BCL9: variants seen among roughly 807,000 people sequenced by gnomAD.
BCL9 encodes the protein B-cell CLL/lymphoma 9 protein.
Under a neutral mutation model 88.5 loss-of-function variants are expected in BCL9, and 25 were observed. That is an observed-to-expected ratio of 0.28 (90% confidence interval 0.21 to 0.39). The LOEUF is 0.39. Ranked by LOEUF, BCL9 falls within the 10% of genes least tolerant of loss-of-function variation. BCL9 has a pLI of 1.00. For synonymous variants in BCL9, 711 were observed against 673.3 expected, an observed-to-expected ratio of 1.06 and a Z score of -0.87; for missense variants, 1,817 against 1,877.8, an observed-to-expected ratio of 0.97 and a Z score of 0.60.
In BCL9 at chr1:147,622,524, T is replaced by C. The variant is rs1464239099; in HGVS notation, c.3156T>C (p.Asn1052=). ...CTCCCAACTTGCCATCAATGAATAA[T>C]ATGCCAGGTAAGAAATCAGAAAGGC... ...ARSPNLPSMN[N]MPGMGINTQN... Residue 1052 remains asparagine, a synonymous_variant, in exon 9 of 10, where the codon AAT becomes AAC. Coordinates refer to ENST00000234739, the MANE Select transcript of BCL9 (RefSeq NM_004326.4). The C allele has an allele frequency of 5.0e-6, 8 of 1,613,954 alleles. No homozygotes were observed. In the African/African-American group the frequency reaches 9.3e-5, roughly 19 times the overall value.
intron 1 of BCL9, among the ~76,000 whole-genome samples, chr1:147,576,483 C>T (rs1328706174): frequency 6.6e-6 from 1 of 152,202 alleles, no homozygotes; most frequent in African/African-American, 2.4e-5. Context: ...ATGAGAAATT[C>T]ACTACATAGA....
intron 1 of BCL9, among the ~76,000 whole-genome samples, chr1:147,599,258 G>C (rs1224168045): frequency 6.6e-6 from 1 of 152,234 alleles, no homozygotes; most frequent in Admixed American, 6.5e-5. Context: ...TCCTGCGAGG[G>C]GAGAAAGCCG....
At chr1:147,558,239 C>T (rs1330360362) in intron 1 of BCL9, among the ~76,000 whole-genome samples, 1 of 151,996 alleles carries the variant, frequency 6.6e-6, no homozygotes, top group Non-Finnish European at 1.5e-5. Flanking sequence ...TGCGGTTTGA[C>T]CCAGATTAAT....
Position 147,601,106 on chromosome 1 carries a change from A to G in BCL9, c.-477-3671A>G, listed in dbSNP as rs146322502. Reference sequence around the variant, plus strand: ...TGGGGGCCTTATGGGAAGGCTACCAAGCATGAAGGAGGAGGCCAGAAATCT... The same window carrying G: ...TGGGGGCCTTATGGGAAGGCTACCAGGCATGAAGGAGGAGGCCAGAAATCT... On this transcript the variant is annotated intron_variant, in intron 1 of 9. Coordinates refer to ENST00000234739, the MANE Select transcript of BCL9 (RefSeq NM_004326.4). Among the ~76,000 whole-genome samples the G allele has an allele frequency of 1.6e-3, 248 of 152,312 alleles. 2 individuals are homozygous for G. Among genetic ancestry groups the G allele is most frequent in the Middle Eastern group, 0.01 (3 of 294 alleles).
At chr1:147,609,482 G>A (rs1340505119) in intron 3 of BCL9, among the ~76,000 whole-genome samples, 7 of 152,212 alleles carry the variant, frequency 4.6e-5, no homozygotes, top group Non-Finnish European at 8.8e-5. Context: ...GGGTCTGAGA[G>A]CAGTGATTGG....
rs1056206945 is a variant in BCL9, at chr1:147,619,313, G to A, written c.1158G>A (p.Gly386=). 3.7e-6 allele frequency: 6 copies of A among 1,613,974 alleles called. No individual in the cohort carries two copies. The highest frequency in any genetic ancestry group is 5.1e-6 in the Non-Finnish European group (6 of 1,180,040). ...DEKEFTGAQS[G]GPQQNPGVLD... ...AAGAATTCACAGGAGCACAAAGTGG[G>A]GGACCGCAGCAGAATCCTGGGGTAT... The change falls in exon 8 of 10, where the codon GGG becomes GGA. Residue 386 remains glycine (G), a synonymous_variant. Coordinates refer to ENST00000234739, the MANE Select transcript of BCL9 (RefSeq NM_004326.4). This position sits in a 1 kb window ranked among gnomAD's most constrained non-coding sequence, Gnocchi z 4.1.
intron 1 of BCL9, among the ~76,000 whole-genome samples, chr1:147,554,411 A>G (rs1288940111): frequency 6.6e-6 from 1 of 152,234 alleles, no homozygotes; most frequent in African/African-American, 2.4e-5. Context: ...TTTAAAATTA[A>G]CGAAAATTTC....
intron 1 of BCL9, among the ~76,000 whole-genome samples, chr1:147,586,761 C>G (rs1004977099): frequency 6.6e-6 from 1 of 152,168 alleles, no homozygotes; most frequent in Non-Finnish European, 1.5e-5. Context: ...TCTCAGCCCC[C>G]TCTCCACCTG....
Position 147,559,775 on chromosome 1 carries a change from G to A in BCL9, c.-478+18101G>A, listed in dbSNP as rs75551701. On this transcript the variant is annotated intron_variant, in intron 1 of 9. Coordinates refer to ENST00000234739, the MANE Select transcript of BCL9 (RefSeq NM_004326.4). Reference sequence around the variant, plus strand: ...AAATACCTCGTTCCTCTCTAAGGACGGTACTCACACCCTTACTTTCCCCAC... The same window carrying A: ...AAATACCTCGTTCCTCTCTAAGGACAGTACTCACACCCTTACTTTCCCCAC... Among the ~76,000 whole-genome samples the A allele has an allele frequency of 2.0e-5, 3 of 152,204 alleles. No individual in the cohort carries two copies. In the East Asian group the frequency reaches 5.8e-4, roughly 29 times the overall value.
At chr1:147,568,330 C>T (rs1655705765) in intron 1 of BCL9, among the ~76,000 whole-genome samples, 1 of 152,100 alleles carries the variant, frequency 6.6e-6, no homozygotes, top group Non-Finnish European at 1.5e-5. Flanking sequence ...CTGATACAAC[C>T]TAGAATGCTC....
intron 1 of BCL9, among the ~76,000 whole-genome samples, chr1:147,598,888 A>C (rs1325085685): frequency 6.6e-6 from 1 of 152,216 alleles, no homozygotes; most frequent in Non-Finnish European, 1.5e-5. Flanking sequence ...ACACAGATGG[A>C]GCAGAATAGC....
intron 1 of BCL9, among the ~76,000 whole-genome samples, chr1:147,584,881 C>G (rs1257524818): frequency 6.6e-6 from 1 of 152,300 alleles, no homozygotes; most frequent in East Asian, 1.9e-4. Context: ...GGTTCTCATT[C>G]ATAACCACTC....
chr1:147,552,474 C>T (rs1233195746), intron 1 of BCL9, among the ~76,000 whole-genome samples: 1 of 152,086 alleles, frequency 6.6e-6, no homozygotes, highest in African/African-American at 2.4e-5. Context: ...GGCGTGGTGG[C>T]GCATGCCTGT....
chr1:147,562,454 T>G (rs1655423027), intron 1 of BCL9, among the ~76,000 whole-genome samples: 1 of 152,220 alleles, frequency 6.6e-6, no homozygotes, highest in Non-Finnish European at 1.5e-5. Flanking sequence ...GAGTGACATA[T>G]GCACACCTTT....
chr1:147,573,742 C>T (rs1198146726), intron 1 of BCL9, among the ~76,000 whole-genome samples: 2 of 152,104 alleles, frequency 1.3e-5, no homozygotes, highest in East Asian at 3.8e-4. Context: ...AACACAATGC[C>T]TGGTTCACTA....
chr1:147,600,254 C>G (rs1657310962), intron 1 of BCL9: 1 of 160,028 alleles, frequency 6.2e-6, no homozygotes, highest in Admixed American at 6.5e-5. Context: ...TGGCCCCGGC[C>G]CCGCGGGGCT....
intron 1 of BCL9, among the ~76,000 whole-genome samples, chr1:147,596,314 G>A (rs1299506567): frequency 1.3e-5 from 2 of 152,098 alleles, no homozygotes; most frequent in Non-Finnish European, 2.9e-5. Flanking sequence ...TCTTTTGCCT[G>A]GAAAACCTAA....
chr1:147,609,354 T>C (rs587732563), intron 3 of BCL9, among the ~76,000 whole-genome samples: 2 of 152,338 alleles, frequency 1.3e-5, no homozygotes, highest in South Asian at 4.1e-4. Context: ...GGCTAGGGAT[T>C]GAAAAACTTA....
intron 3 of BCL9, among the ~76,000 whole-genome samples, chr1:147,608,968 C>G (rs1553202304): frequency 6.6e-6 from 1 of 152,200 alleles, no homozygotes; most frequent in African/African-American, 2.4e-5. Context: ...TTTCCCATCT[C>G]TAAAATAGAA....
Sources: gnomAD v4.1 joint callset for allele counts (sites outside exome capture counted in the v4.1 genomes callset) on GRCh38, gnomAD v4.1.1 for gene constraint, Gnocchi (gnomAD v3.1) non-coding constraint, MANE v1.5 for transcripts, NCBI Gene and HGNC (gene_info 2026-07-23, HGNC 2026-07-21) for gene names.